The following CTNNA2 variants were observed in gnomAD, a reference collection of about 807,000 sequenced individuals.
CTNNA2 encodes catenin alpha 2.
Under a neutral mutation model 101.0 loss-of-function variants are expected in CTNNA2, and 42 were observed. The ratio of observed to expected loss-of-function variants is 0.42; its 90% CI spans 0.32 to 0.54. The LOEUF (loss-of-function observed/expected upper bound fraction) is 0.54, where lower values mean the gene tolerates loss of function less well. Among genes scored for constraint, CTNNA2 ranks in the 20% least tolerant of loss-of-function variants. CTNNA2 has a pLI of 0.14. For synonymous variants in CTNNA2, 450 were observed against 456.4 expected (o/e 0.99, Z 0.18); for missense variants, 871 against 1,223.1 (o/e 0.71, Z 4.29).
chr2:79,535,371 A>ATTTTTTTTTTTTT, intron 1 of CTNNA2, among the ~76,000 whole-genome samples: 1 of 151,482 alleles, frequency 6.6e-6, no homozygotes, highest in African/African-American at 2.4e-5. Context: ...CGCCCAGCTA[A>ATTTTTTTTTTTTT]TTTTTTGTAT....
rs75544330 is a variant in CTNNA2, at chr2:79,202,195, G to A, written c.-406+4119G>A. On this transcript the variant is annotated intron_variant, in intron 2 of 21. Transcript: ENST00000466387. ...CTCAGAGGGATGACTGAATAGAATG[G>A]GAAGCAGGTTTACCTTAAACAGTTC... is the stretch of plus-strand genomic sequence containing the variant. Among the ~76,000 whole-genome samples, 962 of 152,194 alleles carry A rather than the reference G, an allele frequency of 6.3e-3. 5 individuals are homozygous for A. Among genetic ancestry groups the A allele is most frequent in the African/African-American group, 0.022 (918 of 41,516 alleles).
At chr2:80,092,262 T>C (rs960421211) in intron 7 of CTNNA2, among the ~76,000 whole-genome samples, 1 of 152,148 alleles carries the variant, frequency 6.6e-6, no homozygotes, top group Non-Finnish European at 1.5e-5. Flanking sequence ...AGTAGTTGTA[T>C]AGCAAATATT....
At chr2:79,476,608 C>T (rs1320419834) in intron 4 of CTNNA2, among the ~76,000 whole-genome samples, 1 of 152,148 alleles carries the variant, frequency 6.6e-6, no homozygotes, top group Non-Finnish European at 1.5e-5. Context: ...ATGCTATGCA[C>T]ATTGTTCTTT....
intron 7 of CTNNA2, among the ~76,000 whole-genome samples, chr2:80,375,206 G>A (rs1013223360): frequency 2.0e-5 from 3 of 152,124 alleles, no homozygotes; most frequent in Admixed American, 6.5e-5. Flanking sequence ...ACAGGAGAAC[G>A]GACACAAGGG....
intron 2 of CTNNA2, among the ~76,000 whole-genome samples, chr2:79,728,564 A>G (rs1385379673): frequency 6.6e-6 from 1 of 152,090 alleles, no homozygotes; most frequent in Non-Finnish European, 1.5e-5. Context: ...TGCTGTGCAG[A>G]AGCTCTTTAG....
intron 6 of CTNNA2, 30 bp downstream of exon 6, chr2:79,874,372 G>A (rs1216790762): frequency 3.7e-5 from 59 of 1,592,224 alleles, no homozygotes; most frequent in Non-Finnish European, 5.0e-5. Context: ...ACACAGAGGG[G>A]TGGGCACTGG....
rs748585296 is a variant in CTNNA2 at position 80,303,168 on chromosome 2, G to A, written c.1057-90043G>A. 6.2e-7 allele frequency: 1 copy of A among 1,614,098 alleles called. No individual in the cohort carries two copies. Among genetic ancestry groups the A allele is most frequent in the Admixed American group, 1.7e-5 (1 of 60,014 alleles). On this transcript the variant is annotated intron_variant, in intron 7 of 18. Coordinates refer to ENST00000402739, the MANE Select transcript of CTNNA2 (RefSeq NM_001282597.3). The surrounding 1 kb of genome is among the most constrained non-coding windows in gnomAD (Gnocchi z 7.7). ...AAGTTCACCTTGACCAAGTCGTTGT[G>A]CTCGAGGTGCAGCTCGGTGAGCTTA...
intron 12 of CTNNA2, among the ~76,000 whole-genome samples, chr2:80,571,841 G>A (rs1694632456): frequency 6.6e-6 from 1 of 152,228 alleles, no homozygotes. Flanking sequence ...TGTAGACAGA[G>A]CTCCCTTAAA....
At chr2:79,210,647 T>G (rs561208531) in intron 2 of CTNNA2, among the ~76,000 whole-genome samples, 1 of 152,164 alleles carries the variant, frequency 6.6e-6, no homozygotes, top group Non-Finnish European at 1.5e-5. Flanking sequence ...GGGGAAGGTC[T>G]TCATGTCCCC....
intron 7 of CTNNA2, among the ~76,000 whole-genome samples, chr2:80,175,972 G>T (rs1705370173): frequency 6.6e-6 from 1 of 152,194 alleles, no homozygotes; most frequent in Non-Finnish European, 1.5e-5. Flanking sequence ...TTTTATCCTA[G>T]CTGTGCTGGC....
rs540290752 is a variant in CTNNA2 at position 80,035,653 on chromosome 2, G to A, written c.1056+125856G>A. 3.3e-5 allele frequency among the ~76,000 whole-genome samples: 5 copies of A among 152,154 alleles called. No homozygotes were observed. The South Asian group carries it at 1.0e-3, about 32-fold the overall frequency. On this transcript the variant is annotated intron_variant, in intron 7 of 18. Transcript: ENST00000402739. Reference sequence around the variant, plus strand: ...ATGCTAAGAGATACAGACCATTAAGGCTCCATCTGAAATCAAGTATCTTTA... The same window carrying A: ...ATGCTAAGAGATACAGACCATTAAGACTCCATCTGAAATCAAGTATCTTTA...
At chr2:80,386,700 A>T (rs1020450165) in intron 7 of CTNNA2, among the ~76,000 whole-genome samples, 2 of 152,210 alleles carry the variant, frequency 1.3e-5, no homozygotes, top group African/African-American at 4.8e-5. Flanking sequence ...TTCAAATGAC[A>T]ACAATTTGAA....
At chr2:79,302,000 G>A (rs1049898525) in intron 2 of CTNNA2, among the ~76,000 whole-genome samples, 3 of 152,062 alleles carry the variant, frequency 2.0e-5, no homozygotes, top group African/African-American at 7.2e-5. Context: ...GGTTGAGGCA[G>A]GAGAATCACT....
In CTNNA2 at chr2:80,409,298, TA is replaced by T. The variant is rs546092256; in HGVS notation, c.1138-10140del. ...AAATCTTAAGAGAATCTTTAAGTAA[TA>T]AAAAAAAAAAGTGCAATATGATGTG... On this transcript the variant is annotated intron_variant, in intron 8 of 18. Coordinates refer to ENST00000402739, the MANE Select transcript of CTNNA2 (RefSeq NM_001282597.3). Among the ~76,000 whole-genome samples the T allele has an allele frequency of 3.7e-3, 525 of 143,668 alleles. 2 individuals carry two copies. The highest frequency in any genetic ancestry group is 7.6e-3 in the African/African-American group (298 of 39,282). 94.3% of individuals were successfully genotyped at this position (143,668 alleles called of 152,430 possible).
chr2:79,966,090 G>GT lies in CTNNA2; in HGVS notation c.1056+56300dup, dbSNP rs552416950. 1.2e-3 allele frequency among the ~76,000 whole-genome samples: 182 copies of GT among 151,954 alleles called. 2 individuals carry two copies. Among genetic ancestry groups the GT allele is most frequent in the African/African-American group, 2.9e-3 (119 of 41,448 alleles). On this transcript the variant is annotated intron_variant, in intron 7 of 18. Coordinates refer to ENST00000402739, the MANE Select transcript of CTNNA2 (RefSeq NM_001282597.3). ...TAACCCATTCATTTTTCTATGGTGAGTTTTTTTAATATCATTTATTGAAGT... is the reference window on the plus strand; with the variant it reads ...TAACCCATTCATTTTTCTATGGTGAGTTTTTTTTAATATCATTTATTGAAGT...
At chr2:80,641,237 T>TTATTTTATTCTATTTAGCTTA (rs1673446870) in intron 18 of CTNNA2, among the ~76,000 whole-genome samples, 1 of 152,206 alleles carries the variant, frequency 6.6e-6, no homozygotes, top group Non-Finnish European at 1.5e-5. Context: ...TGGATTTGGC[T>TTATTTTATTCTATTTAGCTTA]TATTTTATTC....
chr2:79,670,056 G>T (rs1369400529), intron 2 of CTNNA2, among the ~76,000 whole-genome samples: 2 of 152,184 alleles, frequency 1.3e-5, no homozygotes, highest in Non-Finnish European at 2.9e-5. Context: ...GCAGGAACAG[G>T]GTTGGGGGAT....
At position 79,857,505 on chromosome 2, in the gene CTNNA2, G is replaced by C. The variant is rs573934764; in HGVS notation, c.299-508G>C. On this transcript the variant is annotated intron_variant, in intron 3 of 18. Transcript: ENST00000402739. Reference sequence around the variant, plus strand: ...ATATTGGCAAATTGGTTACTAAGAGGATTAGAAGATTGGATCTTGGGTGCC... The same window carrying C: ...ATATTGGCAAATTGGTTACTAAGAGCATTAGAAGATTGGATCTTGGGTGCC... Among the ~76,000 whole-genome samples the C allele has an allele frequency of 2.0e-5, 3 of 152,326 alleles. No homozygotes were observed. In the South Asian group the frequency reaches 6.2e-4, roughly 32 times the overall value.
intron 13 of CTNNA2, among the ~76,000 whole-genome samples, chr2:80,577,843 A>G (rs1695191368): frequency 6.6e-6 from 1 of 152,126 alleles, no homozygotes; most frequent in East Asian, 1.9e-4. Flanking sequence ...TCTCCCAGTG[A>G]AATTCTCATA....
Sources: allele counts gnomAD v4.1 joint callset (sites outside exome capture counted in the v4.1 genomes callset), GRCh38; gene constraint gnomAD v4.1.1; non-coding constraint Gnocchi (gnomAD v3.1); transcripts MANE v1.5; gene names NCBI Gene and HGNC (gene_info 2026-07-23, HGNC 2026-07-21).